OSBPL11: variants seen among roughly 807,000 people sequenced by gnomAD.
OSBPL11 encodes oxysterol binding protein like 11.
Under a neutral mutation model 84.4 loss-of-function variants are expected in OSBPL11, and 33 were observed. The observed-to-expected ratio is 0.39, with a 90% CI of 0.30 to 0.52. The LOEUF is 0.52. Among genes scored for constraint, OSBPL11 ranks in the 20% least tolerant of loss-of-function variants. The pLI is 0.72. For missense variants in OSBPL11, 736 were observed against 901.1 expected (o/e 0.82, Z 2.35); for synonymous variants, 276 against 310.2 (o/e 0.89, Z 1.16).
At chr3:125,584,011 A>C (rs1372462743) in intron 1 of OSBPL11, among the ~76,000 whole-genome samples, 12 of 152,152 alleles carry the variant, frequency 7.9e-5, no homozygotes, top group Non-Finnish European at 2.9e-5. Context: ...GTCTCAAAAA[A>C]ATTCCCTAAA....
chr3:125,590,662 T>C (rs1156327158), intron 1 of OSBPL11, among the ~76,000 whole-genome samples: 1 of 152,232 alleles, frequency 6.6e-6, no homozygotes, highest in East Asian at 1.9e-4. Flanking sequence ...AAATAAGCCT[T>C]AGAATTCATT....
At chr3:125,558,326 T>TA (rs1936023202) in intron 8 of OSBPL11, among the ~76,000 whole-genome samples, 2 of 152,192 alleles carry the variant, frequency 1.3e-5, no homozygotes, top group African/African-American at 4.8e-5. Flanking sequence ...AGAAGACTAT[T>TA]CATTTTTAAC....
At chr3:125,532,198 C>T (rs1054960007) in intron 11 of OSBPL11, among the ~76,000 whole-genome samples, 184 bp from the exon 12 acceptor site, 1 of 152,176 alleles carries the variant, frequency 6.6e-6, no homozygotes, top group African/African-American at 2.4e-5. Flanking sequence ...CAGGATGCTG[C>T]TCCTTCTGCT....
intron 1 of OSBPL11, among the ~76,000 whole-genome samples, chr3:125,588,751 T>C (rs1027743125): frequency 1.3e-5 from 2 of 152,162 alleles, no homozygotes; most frequent in Non-Finnish European, 2.9e-5. Context: ...ACAGCTAGTG[T>C]GTAGCCTGGG....
intron 7 of OSBPL11, 66 bp from the exon 8 acceptor site, chr3:125,560,585 C>T: frequency 3.0e-6 from 4 of 1,317,698 alleles, no homozygotes; most frequent in Non-Finnish European, 4.0e-6. Context: ...GAGAACAAAA[C>T]AATAAATATC....
intron 5 of OSBPL11, among the ~76,000 whole-genome samples, chr3:125,575,410 A>G (rs1936307469): frequency 6.6e-6 from 1 of 152,080 alleles, no homozygotes; most frequent in Non-Finnish European, 1.5e-5. Flanking sequence ...GTTTTGTTTT[A>G]GAGACAGGTC....
At chr3:125,572,992 G>A (rs933363408) in intron 5 of OSBPL11, among the ~76,000 whole-genome samples, 1 of 147,076 alleles carries the variant, frequency 6.8e-6, no homozygotes, top group African/African-American at 2.5e-5. Context: ...TCTATAGTAA[G>A]ATATATATAG....
intron 8 of OSBPL11, among the ~76,000 whole-genome samples, chr3:125,559,701 TC>T (rs1260163811): frequency 6.6e-6 from 1 of 152,060 alleles, no homozygotes; most frequent in Non-Finnish European, 1.5e-5. Flanking sequence ...CCTAAAGTGA[TC>T]TGCCCACCTC....
rs2107608694 is a variant in OSBPL11, at chr3:125,579,096, T to C, written c.410-57A>G. ...TTATTTATTCTGGAACACAATTAAT[T>C]GCCTACAGTATGAAGATCAGATCAC... On this transcript the variant is annotated intron_variant, in intron 3 of 12. Coordinates refer to ENST00000296220, the MANE Select transcript of OSBPL11 (RefSeq NM_022776.5). The C allele has an allele frequency of 4.0e-6, 5 of 1,237,838 alleles. No individual in the cohort carries two copies. The South Asian group carries it at 4.2e-5, about 10-fold the overall frequency. The allele number at this position is 1,237,838 out of a possible 1,614,324, so 76.7% of individuals were successfully genotyped here.
At chr3:125,535,054 T>C (rs577155737) in intron 11 of OSBPL11, among the ~76,000 whole-genome samples, 107 of 126,928 alleles carry the variant, frequency 8.4e-4, no homozygotes, top group African/African-American at 3.0e-3. Flanking sequence ...AAAACAAACA[T>C]AGATTAAATC....
At chr3:125,542,547 C>T (rs1481661421) in intron 10 of OSBPL11, among the ~76,000 whole-genome samples, 6 of 149,284 alleles carry the variant, frequency 4.0e-5, no homozygotes, top group East Asian at 3.9e-4. Context: ...CTCACTTTGC[C>T]GCCCAGGCTG....
chr3:125,551,944 T>TA (rs1935915118), intron 9 of OSBPL11, among the ~76,000 whole-genome samples: 1 of 151,968 alleles, frequency 6.6e-6, no homozygotes, highest in South Asian at 2.1e-4. Context: ...ATTTTAAACT[T>TA]AGAGTTAATA....
At chr3:125,573,524 T>C (rs1245806183) in intron 5 of OSBPL11, among the ~76,000 whole-genome samples, 1 of 152,190 alleles carries the variant, frequency 6.6e-6, no homozygotes, top group East Asian at 1.9e-4. Context: ...AAAGCTTTTG[T>C]AATAAATTCA....
intron 9 of OSBPL11, among the ~76,000 whole-genome samples, chr3:125,548,158 C>A (rs970455962): frequency 6.6e-6 from 1 of 152,144 alleles, no homozygotes; most frequent in African/African-American, 2.4e-5. Context: ...GGATTACAGG[C>A]GTGAGCCACT....
At chr3:125,579,108 G>A in intron 3 of OSBPL11, 69 bp from the exon 4 acceptor site, 1 of 1,129,126 alleles carries the variant, frequency 8.9e-7, no homozygotes, top group South Asian at 1.5e-5. Context: ...CCTACAGTAT[G>A]AAGATCAGAT....
chr3:125,549,955 T>A (rs2107594190), intron 9 of OSBPL11, among the ~76,000 whole-genome samples: 1 of 152,332 alleles, frequency 6.6e-6, no homozygotes. Flanking sequence ...ACATGTCTCA[T>A]CATCTCTAGA....
chr3:125,595,021 C>A lies in OSBPL11; in HGVS notation c.-221G>T. On this transcript the variant is annotated 5_prime_UTR_variant, in exon 1 of 13. In the 5' UTR this introduces an upstream ATG that the reference lacks. Coordinates refer to ENST00000296220, the MANE Select transcript of OSBPL11 (RefSeq NM_022776.5). ...AGGGGAAGCAACGAGGACAGATATC[C>A]TTCACATGTATCTCTCTCCTTTCCG... is the stretch of plus-strand genomic sequence containing the variant. 1 of 505,148 alleles carries A rather than the reference C, an allele frequency of 2.0e-6. No individual in the cohort carries two copies. The highest frequency in any genetic ancestry group is 3.5e-6 in the Non-Finnish European group (1 of 282,548). 31.3% of individuals were successfully genotyped at this position (505,148 alleles called of 1,614,324 possible). A position where few individuals can be genotyped will look rare whatever the true frequency, so the allele number is the denominator to read the frequency against.
chr3:125,552,157 AT>A, intron 9 of OSBPL11, 23 bp downstream of exon 9: 7 of 1,312,376 alleles, frequency 5.3e-6, no homozygotes, highest in Non-Finnish European at 7.2e-6. Context: ...ATATATATAT[AT>A]ATAAAATAAT....
intron 10 of OSBPL11, among the ~76,000 whole-genome samples, chr3:125,541,908 T>G (rs1344291635): frequency 6.6e-6 from 1 of 152,126 alleles, no homozygotes; most frequent in African/African-American, 2.4e-5. Context: ...TAGTAAATAA[T>G]AGAGTCAGGA....
Sources: allele counts gnomAD v4.1 joint callset (sites outside exome capture counted in the v4.1 genomes callset), GRCh38; gene constraint gnomAD v4.1.1; transcripts MANE v1.5; gene names NCBI Gene and HGNC (gene_info 2026-07-23, HGNC 2026-07-21).